Variants in BCAT2 observed in about 807,000 individuals in gnomAD.
The protein encoded by BCAT2 is branched-chain-amino-acid aminotransferase, mitochondrial.
BCAT2 carries 44 observed loss-of-function variants against 52.9 expected under a neutral mutation model. The ratio of observed to expected loss-of-function variants is 0.83; its 90% CI spans 0.65 to 1.07. The LOEUF (loss-of-function observed/expected upper bound fraction) is 1.07. Ranked by LOEUF, BCAT2 falls within the 50% of genes least tolerant of loss-of-function variation. BCAT2 has a pLI of 0.00. For synonymous variants in BCAT2, 215 were observed against 217.1 expected (o/e 0.99, Z 0.08); for missense variants, 478 against 521.8 (o/e 0.92, Z 0.82).
intron 3 of BCAT2, among the ~76,000 whole-genome samples, chr19:48,802,135 C>T (rs917813420): frequency 2.0e-5 from 3 of 151,956 alleles, no homozygotes; most frequent in Admixed American, 6.6e-5. Context: ...CCCTTAAGCT[C>T]GTGAGAAGAT....
chr19:48,795,525 T>A, intron 10 of BCAT2, 61 bp from the exon 11 acceptor site: 1 of 1,597,412 alleles, frequency 6.3e-7, no homozygotes, highest in South Asian at 1.1e-5. Flanking sequence ...CAGTAGGCCC[T>A]GGGGTGTTCC....
rs2034466604 is a variant in BCAT2, at chr19:48,795,115, A to G, written c.*311T>C. ...ATTGCAGCAAAGACAGAGAAAAAAA[A>G]ATCAACGGCAGCACCAGGGGTCTGG... On this transcript the variant is annotated 3_prime_UTR_variant, in exon 11 of 11. Transcript: ENST00000316273. 6.8e-6 allele frequency: 3 copies of G among 439,510 alleles called. No homozygotes were observed. The South Asian group carries it at 1.1e-4, about 17-fold the overall frequency. 27.2% of individuals were successfully genotyped at this position (439,510 alleles called of 1,614,324 possible).
rs530270193 is a variant in BCAT2, at chr19:48,810,084, T to A, written c.24+900A>T. ...AAAGCCCAGTACTGCCCCACCACAG[T>A]CCAGGAGTGTCACCACTAAAGCCCA... On this transcript the variant is annotated intron_variant, in intron 1 of 10. Coordinates refer to ENST00000316273, the MANE Select transcript of BCAT2 (RefSeq NM_001190.4). 7.9e-5 allele frequency among the ~76,000 whole-genome samples: 12 copies of A among 152,080 alleles called. No individual in the cohort carries two copies. In the South Asian group the frequency reaches 2.5e-3, roughly 32 times the overall value.
In BCAT2 at chr19:48,800,025, C is replaced by T. The variant is rs1209531864; in HGVS notation, c.487G>A (p.Ala163Thr). 1 of 1,613,504 alleles carries T rather than the reference C, an allele frequency of 6.2e-7. No homozygotes were observed. Among genetic ancestry groups the T allele is most frequent in the Admixed American group, 1.7e-5 (1 of 59,994 alleles). The change falls in exon 5 of 11, where the codon GCC becomes ACC. Residue 163 changes from alanine (A) to threonine (T), a missense_variant. Physicochemically the swap from Ala to Thr is moderately conservative, Grantham distance 58 (BLOSUM62 0). Transcript: ENST00000316273. Reference protein sequence around the residue: ...EVDKDWVPDAAGTSLYVRPVL... With the variant: ...EVDKDWVPDATGTSLYVRPVL... ...GGCCGCACATAGAGGCTGGTGCCGG[C>T]GGCATCGGGGACCCAGTCCTTGTCC...
intron 3 of BCAT2, 74 bp downstream of exon 3, chr19:48,806,443 A>G (rs2122691160): frequency 3.2e-6 from 5 of 1,556,110 alleles, no homozygotes; most frequent in Non-Finnish European, 3.5e-6. Flanking sequence ...CAAGAGAGGT[A>G]CACCTGGCAA....
chr19:48,811,020 G>C lies in BCAT2; in HGVS notation c.-13C>G, dbSNP rs1221380312. The C allele has an allele frequency of 4.4e-6, 7 of 1,598,754 alleles. No individual in the cohort carries two copies. The highest frequency in any genetic ancestry group is 6.0e-6 in the Non-Finnish European group (7 of 1,174,110). ...CGGCTGCGGCCATGATCCGTGCGGCGCGTAACTGTGCCCGCCCGGGGCGCG... is the reference window on the plus strand; with the variant it reads ...CGGCTGCGGCCATGATCCGTGCGGCCCGTAACTGTGCCCGCCCGGGGCGCG... On this transcript the variant is annotated 5_prime_UTR_variant, in exon 1 of 11. Coordinates refer to ENST00000316273, the MANE Select transcript of BCAT2 (RefSeq NM_001190.4).
chr19:48,800,962 T>TG (rs1479032061), intron 3 of BCAT2, among the ~76,000 whole-genome samples: 5 of 136,022 alleles, frequency 3.7e-5, no homozygotes, highest in South Asian at 4.7e-4. Flanking sequence ...AGGCAGCGCT[T>TG]GGCACAGAGT....
At chr19:48,797,926 C>T (rs1213262333) in intron 6 of BCAT2, among the ~76,000 whole-genome samples, 1 of 151,534 alleles carries the variant, frequency 6.6e-6, no homozygotes, top group Admixed American at 6.6e-5. Flanking sequence ...AAGCGATTCT[C>T]GTGCCTCAGC....
intron 1 of BCAT2, among the ~76,000 whole-genome samples, chr19:48,808,846 G>A (rs1307091284): frequency 2.0e-5 from 3 of 151,662 alleles, no homozygotes; most frequent in Admixed American, 1.3e-4. Flanking sequence ...GACAGAGGTG[G>A]GAGGACTGCA....
chr19:48,808,311 G>GCTCTC, intron 1 of BCAT2: 2 of 943,974 alleles, frequency 2.1e-6, no homozygotes, highest in Non-Finnish European at 2.5e-6. Flanking sequence ...GGGCAGGAGA[G>GCTCTC]CTGCCCTCAG....
intron 1 of BCAT2, among the ~76,000 whole-genome samples, chr19:48,810,182 G>C (rs1051627995): frequency 2.0e-5 from 3 of 152,190 alleles, no homozygotes; most frequent in African/African-American, 7.2e-5. Context: ...GTGAAATTCT[G>C]CCCTGACATT....
In BCAT2 at chr19:48,806,683, G is replaced by C. The variant is rs1190385592; in HGVS notation, c.134C>G (p.Pro45Arg). Reference protein sequence around the residue: ...ADLQLEMTQKPHKKPGPGEPL... With the variant: ...ADLQLEMTQKRHKKPGPGEPL... ...CTCGCCGGGGCCAGGCTTCTTATGA[G>C]GCTTCTGTGTCATTTCCAGCTGCAG... Residue 45 changes from proline (P) to arginine (R), a missense_variant, in exon 3 of 11, where the codon CCT becomes CGT. Coordinates refer to ENST00000316273, the MANE Select transcript of BCAT2 (RefSeq NM_001190.4). 7.4e-6 allele frequency: 12 copies of C among 1,613,688 alleles called. No homozygotes were observed. Among genetic ancestry groups the C allele is most frequent in the Non-Finnish European group, 1.7e-6 (2 of 1,180,022 alleles).
Position 48,796,728 on chromosome 19 carries a change from A to G in BCAT2, c.925-10T>C. 1 of 1,607,970 alleles carries G rather than the reference A, an allele frequency of 6.2e-7. No homozygotes were observed. The highest frequency in any genetic ancestry group is 1.3e-5 in the African/African-American group (1 of 75,012). On this transcript the variant is annotated splice_polypyrimidine_tract_variant and intron_variant, in intron 8 of 10. Coordinates refer to ENST00000316273, the MANE Select transcript of BCAT2 (RefSeq NM_001190.4). ...CCACCCGGAACTCACCCTGCAGGGC[A>G]GTTGGCAGAGACACGTGTCCCCAGA...
At position 48,795,233 on chromosome 19, in the gene BCAT2, C is replaced by CT; in HGVS notation, c.*192dup. On this transcript the variant is annotated 3_prime_UTR_variant, in exon 11 of 11. Coordinates refer to ENST00000316273, the MANE Select transcript of BCAT2 (RefSeq NM_001190.4). ...GCGGACCTGAACCCGCGACGAGGGG[C>CT]TGGGGGCCAAGATGCCTGGGTCGGC... The CT allele has an allele frequency of 1.5e-6, 1 of 671,316 alleles. No individual in the cohort carries two copies. Among genetic ancestry groups the CT allele is most frequent in the East Asian group, 2.7e-5 (1 of 36,628 alleles). 41.6% of individuals were successfully genotyped at this position (671,316 alleles called of 1,614,324 possible).
intron 10 of BCAT2, chr19:48,795,968 G>C: frequency 3.6e-6 from 1 of 281,256 alleles, no homozygotes. Flanking sequence ...AGGGCTCCAG[G>C]GAATCTTGGG....
intron 1 of BCAT2, 179 bp downstream of exon 1, chr19:48,810,805 T>A (rs1599815922): frequency 8.6e-6 from 10 of 1,163,956 alleles, no homozygotes; most frequent in East Asian, 7.1e-5. Context: ...CTGCTCCCCC[T>A]CACCCCATTA....
Position 48,796,604 on chromosome 19 carries a change from C to T in BCAT2, c.1039G>A (p.Val347Met), listed in dbSNP as rs756442340. Reference sequence around the variant, plus strand: ...CTGTCTTTGTACAGGATTCGGTGCACTGGGCAGACCTGGCAAGCGGTGCCC... The same window carrying T: ...CTGTCTTTGTACAGGATTCGGTGCATTGGGCAGACCTGGCAAGCGGTGCCC... ...GSGTACQVCP[V>M]HRILYKDRNL... is the part of the protein sequence containing the mutation. Residue 347 changes from valine (V) to methionine (M), a missense_variant, in exon 9 of 11, where the codon GTG (valine) becomes ATG (methionine). Transcript: ENST00000316273. 2 of 1,613,608 alleles carry T rather than the reference C, an allele frequency of 1.2e-6. No individual in the cohort carries two copies. Among genetic ancestry groups the T allele is most frequent in the Non-Finnish European group, 1.7e-6 (2 of 1,179,996 alleles).
At position 48,799,541 on chromosome 19, in the gene BCAT2, C is replaced by T; in HGVS notation, c.695+134G>A. The T allele has an allele frequency of 8.5e-7, 1 of 1,172,696 alleles. No homozygotes were observed. Among genetic ancestry groups the T allele is most frequent in the Non-Finnish European group, 1.1e-6 (1 of 872,562 alleles). 72.6% of individuals were successfully genotyped at this position (1,172,696 alleles called of 1,614,324 possible). ...TTCAGGGACCAGGGAGGTCACTTAGCACTGAGCCCTGCACGGTGCTGATGA... is the reference window on the plus strand; with the variant it reads ...TTCAGGGACCAGGGAGGTCACTTAGTACTGAGCCCTGCACGGTGCTGATGA... On this transcript the variant is annotated intron_variant, in intron 6 of 10. Transcript: ENST00000316273. This position sits in a 1 kb window ranked among gnomAD's most constrained non-coding sequence, Gnocchi z 5.5.
Position 48,800,301 on chromosome 19 carries a change from C to CG in BCAT2, c.301-5dup. The CG allele has an allele frequency of 6.2e-7, 1 of 1,612,574 alleles. No homozygotes were observed. The highest frequency in any genetic ancestry group is 8.5e-7 in the Non-Finnish European group (1 of 1,179,772). ...ACGCCTTCATGCCCTCAAACAGCTGCGGGGACACGCGGGTGGGGAGGCTCA... is the reference window on the plus strand; with the variant it reads ...ACGCCTTCATGCCCTCAAACAGCTGCGGGGGACACGCGGGTGGGGAGGCTCA... On this transcript the variant is annotated splice_polypyrimidine_tract_variant and splice_region_variant and intron_variant, in intron 3 of 10. Transcript: ENST00000316273.
Sources: allele counts gnomAD v4.1 joint callset (sites outside exome capture counted in the v4.1 genomes callset), GRCh38; gene constraint gnomAD v4.1.1; non-coding constraint Gnocchi (gnomAD v3.1); transcripts MANE v1.5; gene names NCBI Gene and HGNC (gene_info 2026-07-23, HGNC 2026-07-21).